Variants in GGACT observed in about 807,000 individuals in gnomAD.
The protein encoded by GGACT is gamma-glutamylaminecyclotransferase.
For missense variants in GGACT, 241 were observed against 233.2 expected (o/e 1.03, Z -0.22); for synonymous variants, 118 against 115.3 (o/e 1.02, Z -0.15).
At chr13:100,547,380 G>A (rs1461484345) in intron 2 of GGACT, among the ~76,000 whole-genome samples, 1 of 152,188 alleles carries the variant, frequency 6.6e-6, no homozygotes. Context: ...ATTGGGCAGC[G>A]GTTCCATGGG....
intron 2 of GGACT, among the ~76,000 whole-genome samples, chr13:100,571,298 G>T (rs947994419): frequency 6.6e-6 from 1 of 152,208 alleles, no homozygotes. Flanking sequence ...CCAAACTGAT[G>T]CTGTGTCTTC....
chr13:100,566,663 T>C (rs779026940), intron 2 of GGACT, among the ~76,000 whole-genome samples: 1 of 152,130 alleles, frequency 6.6e-6, no homozygotes, highest in Non-Finnish European at 1.5e-5. Flanking sequence ...TTAAGAAGTG[T>C]CTGCTCAGGG....
chr13:100,534,516 C>T lies in GGACT; in HGVS notation c.-10-1915G>A, dbSNP rs1331882186. Among the ~76,000 whole-genome samples, 3 of 152,106 alleles carry T rather than the reference C, an allele frequency of 2.0e-5. No individual in the cohort carries two copies. The highest frequency in any genetic ancestry group is 4.8e-5 in the African/African-American group (2 of 41,404). On this transcript the variant is annotated intron_variant, in intron 2 of 2. Transcript: ENST00000683975. This position sits in a 1 kb window ranked among gnomAD's most constrained non-coding sequence, Gnocchi z 4.9. ...GACAAAAGGCACCAGCTGAGAGCAG[C>T]GCTGGTGTCTGGAGAGGGCACTGGA...
chr13:100,547,002 A>T (rs1315231736), intron 2 of GGACT, among the ~76,000 whole-genome samples: 1 of 152,218 alleles, frequency 6.6e-6, no homozygotes, highest in Non-Finnish European at 1.5e-5. Flanking sequence ...CTCAGCCCAG[A>T]TTCCCAAAGA....
chr13:100,560,418 C>G (rs1171607824), intron 2 of GGACT, among the ~76,000 whole-genome samples: 16 of 152,222 alleles, frequency 1.1e-4, no homozygotes, highest in Admixed American at 1.0e-3. Context: ...CACACAGGCC[C>G]GTCTGTTCCT....
At chr13:100,540,014 T>C (rs578018964) in intron 2 of GGACT, 23 of 1,345,666 alleles carry the variant, frequency 1.7e-5, no homozygotes, top group African/African-American at 7.2e-5. Flanking sequence ...TTGCTGTGAA[T>C]TGCACAACTC....
At chr13:100,583,532 A>G (rs749564162) in intron 2 of GGACT, among the ~76,000 whole-genome samples, 1 of 152,018 alleles carries the variant, frequency 6.6e-6, no homozygotes, top group Non-Finnish European at 1.5e-5. Context: ...CTCCTCCTTT[A>G]ATTTTTTGAG....
rs1300096799 is a variant in GGACT, at chr13:100,532,311, C to T, written c.281G>A (p.Arg94Gln). Residue 94 changes from arginine (R) to glutamine (Q), a missense_variant, in exon 3 of 3, where the codon CGG (arginine) becomes CAG (glutamine). Physicochemically the swap from Arg to Gln is conservative, Grantham distance 43. Coordinates refer to ENST00000683975, the MANE Select transcript of GGACT (RefSeq NM_001195087.2). ...CPALYQRTVL[R>Q]VQLLEDRAPG... ...GGCCCGGTCCTCCAGCAGCTGTACC[C>T]GCAGCACCGTGCGCTGGTACAGGGC... The T allele has an allele frequency of 1.9e-6, 3 of 1,548,588 alleles. No individual in the cohort carries two copies. The highest frequency in any genetic ancestry group is 2.7e-5 in the African/African-American group (2 of 72,974).
chr13:100,568,919 T>C (rs1178524162), intron 2 of GGACT, among the ~76,000 whole-genome samples: 2 of 152,246 alleles, frequency 1.3e-5, no homozygotes, highest in African/African-American at 2.4e-5. Context: ...TGAAATCCAA[T>C]AGGGCAATCA....
chr13:100,531,499 C>T lies in GGACT; in HGVS notation c.*631G>A, dbSNP rs375423809. 11 of 152,306 alleles carry T rather than the reference C, an allele frequency of 7.2e-5. No individual in the cohort carries two copies. The highest frequency in any genetic ancestry group is 2.6e-4 in the African/African-American group (11 of 41,562). 9.4% of individuals were successfully genotyped at this position (152,306 alleles called of 1,614,324 possible). A position where few individuals can be genotyped will look rare whatever the true frequency, so the allele number is the denominator to read the frequency against. ...AGATCAGAATGTAAAGAACCTTCTA[C>T]CAAATAAGTATACCAAAAAACGTGG... On this transcript the variant is annotated 3_prime_UTR_variant, in exon 3 of 3. Transcript: ENST00000683975.
rs959565167 is a variant in GGACT, at chr13:100,564,807, C to T, written c.-11+19018G>A. On this transcript the variant is annotated intron_variant, in intron 2 of 2. Transcript: ENST00000683975. ...ATCATGCAGTACCCAGCTCTGAGTG[C>T]TCTATGCCCCGGGCAGGGGGCGGGG... 8.5e-5 allele frequency among the ~76,000 whole-genome samples: 13 copies of T among 152,266 alleles called. 1 individual carries two copies. The highest frequency in any genetic ancestry group is 3.1e-4 in the African/African-American group (13 of 41,538).
Position 100,545,879 on chromosome 13 carries a change from C to T in GGACT, c.-10-13278G>A, listed in dbSNP as rs1445747025. Reference sequence around the variant, plus strand: ...CAGACACCAAAGGCCCCATCATGTCCCTTCCTACACATGCGTCAGCCAACC... The same window carrying T: ...CAGACACCAAAGGCCCCATCATGTCTCTTCCTACACATGCGTCAGCCAACC... On this transcript the variant is annotated intron_variant, in intron 2 of 2. Transcript: ENST00000683975. This position sits in a 1 kb window ranked among gnomAD's most constrained non-coding sequence, Gnocchi z 4.4. 1.3e-5 allele frequency among the ~76,000 whole-genome samples: 2 copies of T among 152,188 alleles called. No homozygotes were observed. The highest frequency in any genetic ancestry group is 2.9e-5 in the Non-Finnish European group (2 of 68,036).
Position 100,550,337 on chromosome 13 carries a change from CACACACACACA to C in GGACT, c.-10-17747_-10-17737del, listed in dbSNP as rs1409833768. On this transcript the variant is annotated intron_variant, in intron 2 of 2. Transcript: ENST00000683975. ...ACACACACACACACACACACACACA[CACACACACACA>C]CACACACCACTGGCCCTTCTAAGGA... is the stretch of plus-strand genomic sequence containing the variant. Among the ~76,000 whole-genome samples the C allele has an allele frequency of 1.8e-4, 24 of 133,418 alleles. 1 individual carries two copies. Among genetic ancestry groups the C allele is most frequent in the South Asian group, 1.1e-3 (4 of 3,808 alleles). The allele number at this position is 133,418 out of a possible 152,430, so 87.5% of individuals were successfully genotyped here. A position where few individuals can be genotyped will look rare whatever the true frequency, so the allele number is the denominator to read the frequency against.
rs1279761514 is a variant in GGACT, at chr13:100,545,675, C to A, written c.-10-13074G>T. On this transcript the variant is annotated intron_variant, in intron 2 of 2. Coordinates refer to ENST00000683975, the MANE Select transcript of GGACT (RefSeq NM_001195087.2). The surrounding 1 kb of genome is among the most constrained non-coding windows in gnomAD (Gnocchi z 4.4). ...TTGTCTTTGTATTTTGTAAGCAAAGCGAAGCCTGCTGGAATAACACAGCAC... is the reference window on the plus strand; with the variant it reads ...TTGTCTTTGTATTTTGTAAGCAAAGAGAAGCCTGCTGGAATAACACAGCAC... 6.6e-6 allele frequency among the ~76,000 whole-genome samples: 1 copy of A among 152,216 alleles called. No homozygotes were observed. Among genetic ancestry groups the A allele is most frequent in the African/African-American group, 2.4e-5 (1 of 41,466 alleles).
At chr13:100,568,467 T>C (rs1374250550) in intron 2 of GGACT, among the ~76,000 whole-genome samples, 1 of 152,236 alleles carries the variant, frequency 6.6e-6, no homozygotes, top group Non-Finnish European at 1.5e-5. Flanking sequence ...CATCAGATTT[T>C]GTGAGAACTA....
intron 2 of GGACT, among the ~76,000 whole-genome samples, chr13:100,575,592 C>T (rs979156710): frequency 2.6e-5 from 4 of 152,100 alleles, no homozygotes; most frequent in African/African-American, 9.7e-5. Flanking sequence ...TAGCAAGGCT[C>T]CATCTCTACA....
chr13:100,560,169 G>A (rs55993297), intron 2 of GGACT, among the ~76,000 whole-genome samples: 3 of 152,036 alleles, frequency 2.0e-5, no homozygotes, highest in Non-Finnish European at 2.9e-5. Context: ...TCTTGAATGC[G>A]GTCGTGATTA....
chr13:100,565,560 T>C (rs904774279), intron 2 of GGACT, among the ~76,000 whole-genome samples: 20 of 152,214 alleles, frequency 1.3e-4, no homozygotes, highest in African/African-American at 4.3e-4. Context: ...GAAGCTGGTT[T>C]CTAACCACTC....
intron 2 of GGACT, among the ~76,000 whole-genome samples, chr13:100,558,785 T>C (rs944119055): frequency 2.6e-5 from 4 of 152,106 alleles, no homozygotes; most frequent in Non-Finnish European, 5.9e-5. Flanking sequence ...CTGAAAAACC[T>C]GACCTCCTAG....
Sources: gnomAD v4.1 joint callset for allele counts (sites outside exome capture counted in the v4.1 genomes callset) on GRCh38, gnomAD v4.1.1 for gene constraint, Gnocchi (gnomAD v3.1) non-coding constraint, MANE v1.5 for transcripts, NCBI Gene and HGNC (gene_info 2026-07-23, HGNC 2026-07-21) for gene names.